The following ABCA13 variants were observed in gnomAD, a reference collection of about 807,000 sequenced individuals.
ABCA13 encodes the protein ATP binding cassette subfamily A member 13.
ABCA13 carries 476 observed loss-of-function variants against 478.7 expected under a neutral mutation model. The observed-to-expected ratio is 0.99, with a 90% CI of 0.92 to 1.07. The LOEUF (loss-of-function observed/expected upper bound fraction) is 1.07. ABCA13 is among the 50% of genes least tolerant of loss of function. ABCA13 has a pLI of 0.00. For synonymous variants in ABCA13, 2,252 were observed against 2,158.9 expected, an observed-to-expected ratio of 1.04 and a Z score of -1.20; for missense variants, 6,060 against 5,910.6, an observed-to-expected ratio of 1.03 and a Z score of -0.83.
intron 59 of ABCA13, among the ~76,000 whole-genome samples, chr7:48,628,029 G>T (rs754927320): frequency 4.6e-5 from 7 of 152,150 alleles, no homozygotes; most frequent in Non-Finnish European, 1.0e-4. Context: ...TTGAGGTTCT[G>T]ATACCTGAAC....
chr7:48,450,553 A>T (rs925065783), intron 42 of ABCA13, among the ~76,000 whole-genome samples: 1 of 152,228 alleles, frequency 6.6e-6, no homozygotes, highest in Non-Finnish European at 1.5e-5. Context: ...CTAAAAGCAT[A>T]TCAAAATATT....
chr7:48,639,494 G>A (rs1399854239), intron 59 of ABCA13, among the ~76,000 whole-genome samples: 1 of 152,188 alleles, frequency 6.6e-6, no homozygotes, highest in Admixed American at 6.5e-5. Flanking sequence ...CACTTGTGCT[G>A]GATGAGAGCT....
chr7:48,462,855 C>G (rs1403256553), intron 43 of ABCA13, among the ~76,000 whole-genome samples: 5 of 152,170 alleles, frequency 3.3e-5, no homozygotes, highest in African/African-American at 1.2e-4. Flanking sequence ...TCTTCACACC[C>G]ATTTTTCCTT....
At chr7:48,185,418 C>T (rs561399238) in intron 1 of ABCA13, among the ~76,000 whole-genome samples, 53 of 152,272 alleles carry the variant, frequency 3.5e-4, no homozygotes, top group Middle Eastern at 3.4e-3. Context: ...CTAGAATCAG[C>T]TCATTAAGTA....
chr7:48,444,701 G>A (rs749982050), intron 42 of ABCA13, among the ~76,000 whole-genome samples: 2 of 152,018 alleles, frequency 1.3e-5, no homozygotes, highest in Admixed American at 6.6e-5. Context: ...TACATCTGGG[G>A]TCAGCTCAGA....
intron 47 of ABCA13, among the ~76,000 whole-genome samples, chr7:48,485,712 A>G (rs953018331): frequency 4.6e-5 from 7 of 152,208 alleles, no homozygotes; most frequent in African/African-American, 1.7e-4. Context: ...AGTAGCATCA[A>G]GAGTAAACAT....
chr7:48,235,400 G>C (rs1020095252), intron 8 of ABCA13, among the ~76,000 whole-genome samples: 1 of 152,110 alleles, frequency 6.6e-6, no homozygotes, highest in Non-Finnish European at 1.5e-5. Context: ...TTTTACCTTA[G>C]AATGTTCAAT....
At chr7:48,285,351 GA>G (rs1228309079) in intron 19 of ABCA13, among the ~76,000 whole-genome samples, 10 of 152,206 alleles carry the variant, frequency 6.6e-5, no homozygotes, top group Non-Finnish European at 1.3e-4. Context: ...TGGAGCCAGG[GA>G]TTGGGAGAGG....
intron 50 of ABCA13, 45 bp from the exon 51 acceptor site, chr7:48,511,039 C>A (rs1468072951): frequency 6.4e-6 from 9 of 1,404,706 alleles, no homozygotes; most frequent in East Asian, 2.3e-5. Context: ...ATAAATATGA[C>A]CATCTGATGT....
chr7:48,446,377 T>C (rs1182717933), intron 42 of ABCA13, among the ~76,000 whole-genome samples: 3 of 142,916 alleles, frequency 2.1e-5, no homozygotes, highest in Non-Finnish European at 3.1e-5. Context: ...TAATGCTTTG[T>C]CATGCCCTTT....
intron 58 of ABCA13, among the ~76,000 whole-genome samples, chr7:48,612,396 T>C (rs936797152): frequency 3.3e-5 from 5 of 152,242 alleles, no homozygotes; most frequent in African/African-American, 1.2e-4. Context: ...GTAGAGCATT[T>C]GGTTATGCAA....
intron 19 of ABCA13, among the ~76,000 whole-genome samples, chr7:48,281,666 G>A (rs113558537): frequency 1.1e-4 from 16 of 150,624 alleles, no homozygotes; most frequent in Non-Finnish European, 1.8e-4. Flanking sequence ...CCGTTCCTGC[G>A]CCTTTGCTGG....
Position 48,201,069 on chromosome 7 carries a change from C to G in ABCA13, c.287+2709C>G, listed in dbSNP as rs139656831. On this transcript the variant is annotated intron_variant, in intron 3 of 61. Coordinates refer to ENST00000435803, the MANE Select transcript of ABCA13 (RefSeq NM_152701.5). ...ACCGCGCAGAGCTCTCAGGCTCCGCCTACTTTATTGGTTTACAAAGCTCTT... is the reference window on the plus strand; with the variant it reads ...ACCGCGCAGAGCTCTCAGGCTCCGCGTACTTTATTGGTTTACAAAGCTCTT... 4.2e-4 allele frequency among the ~76,000 whole-genome samples: 62 copies of G among 147,766 alleles called. No individual in the cohort carries two copies. In the East Asian group the frequency reaches 7.4e-3, roughly 18 times the overall value.
chr7:48,203,129 T>G (rs982846287), intron 3 of ABCA13, among the ~76,000 whole-genome samples: 2 of 152,216 alleles, frequency 1.3e-5, no homozygotes, highest in African/African-American at 2.4e-5. Context: ...GGGAACCCAG[T>G]ACATCCTCCG....
chr7:48,271,908 C>T lies in ABCA13; in HGVS notation c.2242C>T (p.Leu748Phe). 1.2e-6 allele frequency: 2 copies of T among 1,613,354 alleles called. No individual in the cohort carries two copies. Among genetic ancestry groups the T allele is most frequent in the Non-Finnish European group, 1.7e-6 (2 of 1,179,582 alleles). ...EFFEKLLLPN[L>F]FDSSIVPSFH... is the part of the protein sequence containing the mutation. ...TTTTGAGAAATTATTGTTGCCTAATCTTTTTGACTCCTCCATTGTTCCCAG... is the reference window on the plus strand; with the variant it reads ...TTTTGAGAAATTATTGTTGCCTAATTTTTTTGACTCCTCCATTGTTCCCAG... The change falls in exon 17 of 62, where the codon CTT (leucine) becomes TTT (phenylalanine). Residue 748 changes from leucine to phenylalanine, a missense_variant. This residue lies in a region of ABCA13 where 4,423 missense variants were observed against 4,309.1 expected (regional missense o/e 1.03). Coordinates refer to ENST00000435803, the MANE Select transcript of ABCA13 (RefSeq NM_152701.5).
In ABCA13 at chr7:48,309,928, T is replaced by C. The variant is rs752782053; in HGVS notation, c.9322-19T>C. ...ACGTCATAGGTATACTCACCTCTAA[T>C]CTCTGTGCTTTGAAACAGGTTCTCT... On this transcript the variant is annotated intron_variant, in intron 23 of 61. Coordinates refer to ENST00000435803, the MANE Select transcript of ABCA13 (RefSeq NM_152701.5). 2 of 1,613,612 alleles carry C rather than the reference T, an allele frequency of 1.2e-6. No individual in the cohort carries two copies. Among genetic ancestry groups the C allele is most frequent in the Non-Finnish European group, 8.5e-7 (1 of 1,179,592 alleles).
chr7:48,480,905 A>G (rs1828687914), intron 45 of ABCA13, 131 bp from the exon 46 acceptor site: 1 of 651,328 alleles, frequency 1.5e-6, no homozygotes, highest in East Asian at 2.7e-5. Context: ...ATTAGAACAT[A>G]TAAAGGGCTG....
At chr7:48,319,473 G>C (rs766275713) in intron 27 of ABCA13, among the ~76,000 whole-genome samples, 2 of 152,168 alleles carry the variant, frequency 1.3e-5, no homozygotes, top group Non-Finnish European at 1.5e-5. Context: ...GTCCCACAGA[G>C]CTGGGAGACG....
chr7:48,173,834 C>T (rs1306105051), intron 1 of ABCA13, among the ~76,000 whole-genome samples: 1 of 152,138 alleles, frequency 6.6e-6, no homozygotes, highest in Non-Finnish European at 1.5e-5. Flanking sequence ...ATGTAATGTG[C>T]TTGCAACAGT....
Sources: allele counts gnomAD v4.1 joint callset (sites outside exome capture counted in the v4.1 genomes callset), GRCh38; gene constraint gnomAD v4.1.1; regional missense constraint gnomAD v4.1.1; transcripts MANE v1.5; gene names NCBI Gene and HGNC (gene_info 2026-07-23, HGNC 2026-07-21).